PRRC2C: variants seen among roughly 807,000 people sequenced by gnomAD.
The protein encoded by PRRC2C is protein PRRC2C.
In PRRC2C, 72 loss-of-function variants were observed where a neutral mutation model predicts 317.2. That is an observed-to-expected ratio of 0.23 (90% CI 0.19 to 0.28). The LOEUF is 0.28. PRRC2C is among the 10% of genes least tolerant of loss of function. PRRC2C has a pLI of 1.00. For missense variants in PRRC2C, 3,074 were observed against 3,459.7 expected (o/e 0.89, Z 2.80); for synonymous variants, 1,296 against 1,205.9 (o/e 1.07, Z -1.55).
intron 34 of PRRC2C, 145 bp from the exon 35 acceptor site, chr1:171,591,442 A>G (rs1239475558): frequency 2.2e-6 from 2 of 890,250 alleles, no homozygotes; most frequent in East Asian, 5.4e-5. Flanking sequence ...TTAAAAGCTC[A>G]AAGATCAATG....
intron 19 of PRRC2C, among the ~76,000 whole-genome samples, chr1:171,558,678 A>G (rs943259336): frequency 6.6e-6 from 1 of 152,224 alleles, no homozygotes; most frequent in Admixed American, 6.5e-5. Flanking sequence ...TGACCACTCC[A>G]TTGACCAGCT....
intron 18 of PRRC2C, among the ~76,000 whole-genome samples, chr1:171,552,736 T>C (rs1320169838): frequency 1.3e-5 from 2 of 152,194 alleles, no homozygotes. Context: ...GGTTTTTGTC[T>C]TTGGTTCTGT....
chr1:171,547,633 C>CTTTTTTTTTTTTTTTTTTTTTT (rs35480518), intron 17 of PRRC2C, among the ~76,000 whole-genome samples: 1 of 129,840 alleles, frequency 7.7e-6, no homozygotes, highest in African/African-American at 2.9e-5. Context: ...AGTTTCCCTT[C>CTTTTTTTTTTTTTTTTTTTTTT]TTTTTTTTTT....
At chr1:171,586,940 G>A in intron 30 of PRRC2C, 63 bp from the exon 31 acceptor site, 1 of 1,208,796 alleles carries the variant, frequency 8.3e-7, no homozygotes, top group Non-Finnish European at 1.2e-6. Context: ...GTGTATAGTT[G>A]TATGGATATG....
chr1:171,487,681 A>G (rs1219410681), intron 1 of PRRC2C, among the ~76,000 whole-genome samples: 1 of 152,194 alleles, frequency 6.6e-6, no homozygotes. Context: ...CTTCCCTCAG[A>G]GGCTTTTATA....
At chr1:171,582,664 T>G (rs906406534) in intron 28 of PRRC2C, among the ~76,000 whole-genome samples, 1 of 151,990 alleles carries the variant, frequency 6.6e-6, no homozygotes, top group Non-Finnish European at 1.5e-5. Context: ...ATCTAAACAA[T>G]CTAAACAGAA....
At chr1:171,506,687 T>G (rs1485684919) in intron 1 of PRRC2C, among the ~76,000 whole-genome samples, 1 of 136,604 alleles carries the variant, frequency 7.3e-6, no homozygotes, top group Non-Finnish European at 1.5e-5. Context: ...TTTTTTTTCT[T>G]TGTGTGTGTG....
At chr1:171,568,852 T>C (rs1368433393) in intron 23 of PRRC2C, among the ~76,000 whole-genome samples, 1 of 151,296 alleles carries the variant, frequency 6.6e-6, no homozygotes, top group Admixed American at 6.6e-5. Flanking sequence ...CTATATTGTA[T>C]TGTATACATA....
At chr1:171,584,288 GA>G (rs1205951721) in intron 29 of PRRC2C, 101 bp downstream of exon 29, 3 of 1,377,404 alleles carry the variant, frequency 2.2e-6, no homozygotes, top group Middle Eastern at 1.9e-4. Context: ...AAGATGCAAT[GA>G]AAAAAACAAA....
At chr1:171,561,199 G>A in intron 20 of PRRC2C, 96 bp downstream of exon 20, 1 of 1,203,972 alleles carries the variant, frequency 8.3e-7, no homozygotes, top group Non-Finnish European at 1.2e-6. Flanking sequence ...TCCTAGCGTG[G>A]TGGGAGGGTT....
Position 171,587,651 on chromosome 1 carries a change from T to C in PRRC2C, c.7972T>C (p.Ser2658Pro), listed in dbSNP as rs942595687. 5.0e-6 allele frequency: 8 copies of C among 1,598,088 alleles called. No homozygotes were observed. The highest frequency in any genetic ancestry group is 1.3e-5 in the African/African-American group (1 of 74,502). Residue 2658 changes from serine (S) to proline (P), a missense_variant, in exon 32 of 35, where the codon TCT (serine) becomes CCT (proline). Ser to Pro is a moderately conservative substitution (Grantham distance 74, BLOSUM62 -1). Coordinates refer to ENST00000647382, the MANE Select transcript of PRRC2C (RefSeq NM_001387844.1). ...HSMIATTGKM[S>P]EMELKAFGSG... ...TTTATTTTATGCTTCTCCTCAGATG[T>C]CTGAAATGGAACTAAAAGCCTTTGG...
chr1:171,583,486 C>G (rs1346191059), intron 28 of PRRC2C, among the ~76,000 whole-genome samples: 5 of 152,144 alleles, frequency 3.3e-5, no homozygotes. Flanking sequence ...CCTATGATAA[C>G]AATGCCTTCT....
In PRRC2C at chr1:171,587,233, G is replaced by C; in HGVS notation, c.7968+12G>C. 1 of 1,575,812 alleles carries C rather than the reference G, an allele frequency of 6.3e-7. No homozygotes were observed. Among genetic ancestry groups the C allele is most frequent in the South Asian group, 1.2e-5 (1 of 86,204 alleles). ...CAACCACAGGAAAAGTAAGTAAAGA[G>C]ACATTTGCACAGGTTATTTGAGAAT... On this transcript the variant is annotated intron_variant, in intron 31 of 34. Coordinates refer to ENST00000647382, the MANE Select transcript of PRRC2C (RefSeq NM_001387844.1).
At chr1:171,531,957 T>C (rs1292846990) in intron 11 of PRRC2C, among the ~76,000 whole-genome samples, 1 of 152,218 alleles carries the variant, frequency 6.6e-6, no homozygotes, top group Non-Finnish European at 1.5e-5. Context: ...ATTTAATACC[T>C]TCATTTCTCT....
intron 24 of PRRC2C, among the ~76,000 whole-genome samples, chr1:171,572,095 G>A (rs1684855562): frequency 6.6e-6 from 1 of 151,862 alleles, no homozygotes; most frequent in South Asian, 2.1e-4. Context: ...CGTCTTTGGA[G>A]TAGTCAGTAG....
intron 1 of PRRC2C, among the ~76,000 whole-genome samples, chr1:171,500,891 C>T (rs1668979038): frequency 6.6e-6 from 1 of 151,942 alleles, no homozygotes; most frequent in African/African-American, 2.4e-5. Flanking sequence ...TGCAGATGCA[C>T]ATGTCTTGTT....
rs113905079 is a variant in PRRC2C at position 171,558,161 on chromosome 1, A to C, written c.6031+18A>C. 3 of 1,594,830 alleles carry C rather than the reference A, an allele frequency of 1.9e-6. No homozygotes were observed. The highest frequency in any genetic ancestry group is 3.4e-5 in the Admixed American group (2 of 58,770). ...TAAGAAATGTAAGTTGCAAAAGAGA[A>C]GTGAGGGGTGGGGAATGGCATAGGA... is the stretch of plus-strand genomic sequence containing the variant. On this transcript the variant is annotated intron_variant, in intron 19 of 34. Coordinates refer to ENST00000647382, the MANE Select transcript of PRRC2C (RefSeq NM_001387844.1).
chr1:171,566,205 AG>A (rs781584824), intron 20 of PRRC2C, 27 bp from the exon 21 acceptor site: 3 of 1,572,934 alleles, frequency 1.9e-6, no homozygotes, highest in Non-Finnish European at 1.7e-6. Flanking sequence ...ATACTTTGCA[AG>A]CAAGTTTTAA....
Position 171,557,322 on chromosome 1 carries a change from C to T in PRRC2C, c.5210C>T (p.Thr1737Ile), listed in dbSNP as rs958651117. Residue 1737 changes from threonine to isoleucine, a missense_variant, in exon 19 of 35, where the codon ACA becomes ATA. Physicochemically the swap from Thr to Ile is moderately conservative, Grantham distance 89. Transcript: ENST00000647382. ...CCAAGATTTGCCAAAAAACAGGCTA[C>T]AGGGATCCAGCAAGCACAGTCTTCA... ...LPPRFAKKQA[T>I]GIQQAQSSAS... is the part of the protein sequence containing the mutation. 3.2e-6 allele frequency: 5 copies of T among 1,552,012 alleles called. No individual in the cohort carries two copies. Among genetic ancestry groups the T allele is most frequent in the Admixed American group, 2.0e-5 (1 of 51,002 alleles).
Sources: allele counts gnomAD v4.1 joint callset (sites outside exome capture counted in the v4.1 genomes callset), GRCh38; gene constraint gnomAD v4.1.1; transcripts MANE v1.5; gene names NCBI Gene and HGNC (gene_info 2026-07-23, HGNC 2026-07-21).